KCNG3: variants seen among roughly 807,000 people sequenced by gnomAD.
KCNG3 encodes the protein potassium voltage-gated channel modifier subfamily G member 3, also known as voltage-gated potassium channel regulatory subunit KCNG3.
Under a neutral mutation model 29.0 loss-of-function variants are expected in KCNG3, and 15 were observed. The observed-to-expected ratio is 0.52, with a 90% CI of 0.35 to 0.80. The LOEUF (loss-of-function observed/expected upper bound fraction) is 0.80, where lower values mean the gene tolerates loss of function less well. Ranked by LOEUF, KCNG3 falls within the 30% of genes least tolerant of loss-of-function variation. KCNG3 has a pLI of 0.01. For synonymous variants in KCNG3, 322 were observed against 248.9 expected (o/e 1.29, Z -2.76); for missense variants, 512 against 605.7 (o/e 0.85, Z 1.62).
At chr2:42,490,294 G>T (rs1226252124) in intron 1 of KCNG3, among the ~76,000 whole-genome samples, 1 of 152,154 alleles carries the variant, frequency 6.6e-6, no homozygotes, top group Non-Finnish European at 1.5e-5. Context: ...GACACTCCCT[G>T]GCCAGGCGCG....
chr2:42,443,912 G>T lies in KCNG3; in HGVS notation c.*22C>A. On this transcript the variant is annotated 3_prime_UTR_variant, in exon 2 of 2. Coordinates refer to ENST00000306078, the MANE Select transcript of KCNG3 (RefSeq NM_133329.6). ...ATCAAAGTCTTTCTATGAAGTGTAT[G>T]CAAGAATTGATTTGCAATGCATTAA... The T allele has an allele frequency of 6.3e-7, 1 of 1,582,558 alleles. No homozygotes were observed. Among genetic ancestry groups the T allele is most frequent in the Non-Finnish European group, 8.6e-7 (1 of 1,164,026 alleles).
intron 1 of KCNG3, among the ~76,000 whole-genome samples, chr2:42,461,756 A>G (rs1322101142): frequency 6.6e-6 from 1 of 152,192 alleles, no homozygotes; most frequent in Non-Finnish European, 1.5e-5. Context: ...TGACTACCAC[A>G]TGGGTTCTAT....
rs370471067 is a variant in KCNG3 at position 42,492,869 on chromosome 2, C to A, written c.633G>T (p.Arg211Ser). Reference protein sequence around the residue: ...ADNRSLDDRSRYSAGPGREPS... With the variant: ...ADNRSLDDRSSYSAGPGREPS... ...GCTCCCTCCCAGGGCCGGCGGAGTA[C>A]CTGCTCCGGTCATCCAGGCTGCGGT... The change falls in exon 1 of 2, where the codon AGG becomes AGT. Residue 211 changes from arginine to serine, a missense_variant. Around this residue, in one of 5 missense-constraint regions of KCNG3, gnomAD observed 228 missense variants for 200.0 expected, o/e 1.14. Coordinates refer to ENST00000306078, the MANE Select transcript of KCNG3 (RefSeq NM_133329.6). 1.3e-6 allele frequency: 2 copies of A among 1,527,456 alleles called. No individual in the cohort carries two copies. Among genetic ancestry groups the A allele is most frequent in the Non-Finnish European group, 1.7e-6 (2 of 1,143,142 alleles). The allele number at this position is 1,527,456 out of a possible 1,614,324, so 94.6% of individuals were successfully genotyped here. A position where few individuals can be genotyped will look rare whatever the true frequency, so the allele number is the denominator to read the frequency against.
chr2:42,436,962 G>C, the KCNG3 span, among the ~76,000 whole-genome samples: 1 of 152,126 alleles, frequency 6.6e-6, no homozygotes, highest in South Asian at 2.1e-4. Context: ...GGGGATGATA[G>C]GTAACACAAC....
intron 1 of KCNG3, among the ~76,000 whole-genome samples, chr2:42,452,778 T>C (rs940736370): frequency 2.9e-4 from 39 of 135,500 alleles, no homozygotes; most frequent in African/African-American, 9.7e-4. Flanking sequence ...TGGGTGTGTG[T>C]GTGTGTGTGT....
At chr2:42,390,692 A>G in the KCNG3 span, among the ~76,000 whole-genome samples, 1 of 152,060 alleles carries the variant, frequency 6.6e-6, no homozygotes, top group African/African-American at 2.4e-5. Context: ...GTCAAACTGA[A>G]AAAGTCTTTG....
chr2:42,417,963 C>A, the KCNG3 span, among the ~76,000 whole-genome samples: 2 of 151,164 alleles, frequency 1.3e-5, no homozygotes, highest in African/African-American at 4.9e-5. Flanking sequence ...CAGAGTGAGA[C>A]TCCATCTCAA....
chr2:42,472,321 T>A (rs1673309954), intron 1 of KCNG3, among the ~76,000 whole-genome samples: 1 of 152,244 alleles, frequency 6.6e-6, no homozygotes, highest in Non-Finnish European at 1.5e-5. Context: ...AGCTCTGGAC[T>A]CCATTGATTA....
intron 1 of KCNG3, among the ~76,000 whole-genome samples, chr2:42,458,864 T>C (rs1672944403): frequency 6.6e-6 from 1 of 152,014 alleles, no homozygotes; most frequent in South Asian, 2.1e-4. Context: ...GGGTAGGCTT[T>C]TGTTTCTTAA....
the KCNG3 span, among the ~76,000 whole-genome samples, chr2:42,416,073 T>TA: frequency 5.9e-5 from 9 of 152,038 alleles, no homozygotes; most frequent in Non-Finnish European, 1.2e-4. Flanking sequence ...CGTGCATCTG[T>TA]AATCCCAGCT....
chr2:42,465,046 A>G lies in KCNG3; in HGVS notation c.666-20467T>C, dbSNP rs147481947. 3.7e-3 allele frequency among the ~76,000 whole-genome samples: 560 copies of G among 152,340 alleles called. 5 individuals carry two copies. Among genetic ancestry groups the G allele is most frequent in the African/African-American group, 0.012 (496 of 41,578 alleles). On this transcript the variant is annotated intron_variant, in intron 1 of 1. Coordinates refer to ENST00000306078, the MANE Select transcript of KCNG3 (RefSeq NM_133329.6). ...AACTGTTTTATCAGTCTAATGGAAT[A>G]TTTAGGACAAAATGATATATTTGGT...
chr2:42,405,613 T>C, the KCNG3 span, among the ~76,000 whole-genome samples: 71,806 of 151,060 alleles, frequency 0.48, 17,521 homozygotes, highest in East Asian at 0.76. Flanking sequence ...TAATTTTTTT[T>C]TTTTCTCTTT....
At chr2:42,487,875 C>T (rs142338630) in intron 1 of KCNG3, among the ~76,000 whole-genome samples, 1 of 152,130 alleles carries the variant, frequency 6.6e-6, no homozygotes, top group South Asian at 2.1e-4. Flanking sequence ...TGACTATGGG[C>T]CATCTCTACA....
At chr2:42,440,728 G>A (rs1256232314), downstream of KCNG3, among the ~76,000 whole-genome samples, 1 of 152,154 alleles carries the variant, frequency 6.6e-6, no homozygotes, top group Non-Finnish European at 1.5e-5. Flanking sequence ...AAGAACAAAT[G>A]CAACTGTTTC....
At chr2:42,416,380 G>A in the KCNG3 span, among the ~76,000 whole-genome samples, 5 of 152,088 alleles carry the variant, frequency 3.3e-5, no homozygotes, top group Admixed American at 1.3e-4. Context: ...TGGGAGGCTG[G>A]GCAGGAAGAT....
At chr2:42,409,964 C>T in the KCNG3 span, among the ~76,000 whole-genome samples, 6 of 152,226 alleles carry the variant, frequency 3.9e-5, no homozygotes, top group African/African-American at 1.4e-4. Context: ...TTACACCACT[C>T]AATTTTTGGG....
chr2:42,419,219 C>CTTTTTTTTTTTTTT, the KCNG3 span, among the ~76,000 whole-genome samples: 64 of 27,736 alleles, frequency 2.3e-3, 20 homozygotes, highest in East Asian at 3.2e-3. Context: ...GATGGTATCT[C>CTTTTTTTTTTTTTT]TTTTTTTTTT....
chr2:42,487,408 G>A (rs1399337732), intron 1 of KCNG3, among the ~76,000 whole-genome samples: 3 of 144,260 alleles, frequency 2.1e-5, no homozygotes, highest in African/African-American at 7.6e-5. Flanking sequence ...GCAGTGGCGT[G>A]AGCTCAGCTC....
the KCNG3 span, among the ~76,000 whole-genome samples, chr2:42,420,810 AAGAAACCAACAGGGCCAGC>A: frequency 6.6e-6 from 1 of 152,078 alleles, no homozygotes; most frequent in African/African-American, 2.4e-5. Flanking sequence ...AAAAAGAAAA[AAGAAACCAACAGGGCCAGC>A]ACTCTCAGTG....
Sources: allele counts gnomAD v4.1 joint callset (sites outside exome capture counted in the v4.1 genomes callset), GRCh38; gene constraint gnomAD v4.1.1; regional missense constraint gnomAD v4.1.1; transcripts MANE v1.5; gene names NCBI Gene and HGNC (gene_info 2026-07-23, HGNC 2026-07-21).